Variants in ALX4 observed in about 807,000 individuals in gnomAD.
ALX4 encodes the protein ALX homeobox 4.
In ALX4, 22 loss-of-function variants were observed where a neutral mutation model predicts 40.6. That is an observed-to-expected ratio of 0.54 (90% CI 0.39 to 0.77). The LOEUF (loss-of-function observed/expected upper bound fraction) is 0.77. Ranked by LOEUF, ALX4 falls within the 30% of genes least tolerant of loss-of-function variation. The pLI, the probability that ALX4 is intolerant of heterozygous loss-of-function variation, is 0.00. For synonymous variants in ALX4, 266 were observed against 240.5 expected (o/e 1.11, Z -0.98); for missense variants, 556 against 564.8 (o/e 0.98, Z 0.16).
In ALX4 at chr11:44,272,064, T is replaced by C. The variant is rs1219080171; in HGVS notation, c.777+3284A>G. On this transcript the variant is annotated intron_variant, in intron 2 of 3. Transcript: ENST00000652299. Reference sequence around the variant, plus strand: ...ATCAGGCTAGATGCTAGGATTCCTGTCCAAACTCAGGCATGTAAGGTCATG... The same window carrying C: ...ATCAGGCTAGATGCTAGGATTCCTGCCCAAACTCAGGCATGTAAGGTCATG... Among the ~76,000 whole-genome samples, 3 of 152,200 alleles carry C rather than the reference T, an allele frequency of 2.0e-5. No individual in the cohort carries two copies. The East Asian group carries it at 5.8e-4, about 29-fold the overall frequency.
intron 1 of ALX4, among the ~76,000 whole-genome samples, chr11:44,303,201 A>G (rs566048993): frequency 1.3e-5 from 2 of 152,110 alleles, no homozygotes; most frequent in South Asian, 4.2e-4. Flanking sequence ...CTGTCCCTCT[A>G]CGAGGTGCGT....
At chr11:44,269,576 T>G (rs1469912947) in intron 2 of ALX4, among the ~76,000 whole-genome samples, 1 of 152,200 alleles carries the variant, frequency 6.6e-6, no homozygotes, top group African/African-American at 2.4e-5. Flanking sequence ...ACACATTGAC[T>G]GGGGGAGGAG....
At chr11:44,275,706 A>C in intron 1 of ALX4, 48 bp from the exon 2 acceptor site, 3 of 1,577,064 alleles carry the variant, frequency 1.9e-6, no homozygotes, top group Non-Finnish European at 2.6e-6. Flanking sequence ...GAACCAAACA[A>C]GAGAAGGGGA....
At chr11:44,290,629 CTAACGCTTCACA>C (rs1466981375) in intron 1 of ALX4, among the ~76,000 whole-genome samples, 1 of 152,184 alleles carries the variant, frequency 6.6e-6, no homozygotes, top group African/African-American at 2.4e-5. Flanking sequence ...CTGTGTTTAG[CTAACGCTTCACA>C]TAAGACTAGG....
At chr11:44,277,161 T>C (rs1170853962) in intron 1 of ALX4, among the ~76,000 whole-genome samples, 1 of 152,218 alleles carries the variant, frequency 6.6e-6, no homozygotes, top group South Asian at 2.1e-4. Context: ...ATAAAGAGGC[T>C]AGTGTGCTAG....
intron 1 of ALX4, among the ~76,000 whole-genome samples, chr11:44,284,358 G>A (rs964169698): frequency 1.3e-5 from 2 of 152,184 alleles, no homozygotes; most frequent in African/African-American, 4.8e-5. Flanking sequence ...GGGATTATGG[G>A]AAGCAAGAGA....
At position 44,310,082 on chromosome 11, in the gene ALX4, C is replaced by A; in HGVS notation, c.-20G>T. 1 of 1,563,530 alleles carries A rather than the reference C, an allele frequency of 6.4e-7. No individual in the cohort carries two copies. Among genetic ancestry groups the A allele is most frequent in the Non-Finnish European group, 8.7e-7 (1 of 1,152,486 alleles). ...ATTCATGCCTGGCTTGCGCAGGCGGCGGGCGGGGACGCGAGCGAGGGCGCG... is the reference window on the plus strand; with the variant it reads ...ATTCATGCCTGGCTTGCGCAGGCGGAGGGCGGGGACGCGAGCGAGGGCGCG... On this transcript the variant is annotated 5_prime_UTR_variant, in exon 1 of 4. Coordinates refer to ENST00000652299, the MANE Select transcript of ALX4 (RefSeq NM_021926.4).
chr11:44,283,959 G>A (rs1454211964), intron 1 of ALX4, among the ~76,000 whole-genome samples: 2 of 152,112 alleles, frequency 1.3e-5, no homozygotes, highest in Non-Finnish European at 2.9e-5. Context: ...TGTGTGCTTT[G>A]TTTACCCTGC....
chr11:44,301,355 G>A (rs536465034), intron 1 of ALX4, among the ~76,000 whole-genome samples: 24 of 152,340 alleles, frequency 1.6e-4, no homozygotes, highest in African/African-American at 3.1e-4. Flanking sequence ...CACAGTGGGA[G>A]GAGTTGGTCA....
At position 44,284,678 on chromosome 11, in the gene ALX4, C is replaced by G. The variant is rs539684148; in HGVS notation, c.467-9020G>C. ...AGCTTGAGGTTCAGAGACCTGCTTC[C>G]GCTCTGCAGCGCACTGCACGAGTAT... On this transcript the variant is annotated intron_variant, in intron 1 of 3. Transcript: ENST00000652299. Among the ~76,000 whole-genome samples the G allele has an allele frequency of 2.3e-4, 35 of 152,316 alleles. No individual in the cohort carries two copies. The South Asian group carries it at 7.2e-3, about 32-fold the overall frequency.
At chr11:44,293,904 A>T (rs1956388165) in intron 1 of ALX4, among the ~76,000 whole-genome samples, 1 of 152,084 alleles carries the variant, frequency 6.6e-6, no homozygotes, top group African/African-American at 2.4e-5. Context: ...GGGAGGAGGG[A>T]GTGGTGTCTG....
At chr11:44,267,453 G>A in intron 3 of ALX4, 41 bp downstream of exon 3, 2 of 1,611,246 alleles carry the variant, frequency 1.2e-6, no homozygotes, top group Non-Finnish European at 1.7e-6. Flanking sequence ...CAGAGCACCA[G>A]GGGCTGGGGA....
At chr11:44,307,274 AGAT>A (rs1441947002) in intron 1 of ALX4, among the ~76,000 whole-genome samples, 1 of 152,206 alleles carries the variant, frequency 6.6e-6, no homozygotes, top group Admixed American at 6.5e-5. Flanking sequence ...CCCAGGATGC[AGAT>A]GAGGAAACCG....
intron 2 of ALX4, 91 bp from the exon 3 acceptor site, chr11:44,267,713 C>T: frequency 1.3e-6 from 2 of 1,580,554 alleles, no homozygotes; most frequent in South Asian, 2.2e-5. Flanking sequence ...CCTTGAGCCC[C>T]CCATCAGTTG....
intron 3 of ALX4, among the ~76,000 whole-genome samples, chr11:44,266,204 A>G (rs1956212870): frequency 6.6e-6 from 1 of 152,100 alleles, no homozygotes; most frequent in African/African-American, 2.4e-5. Flanking sequence ...AGGTCTGAGC[A>G]CACACTATGT....
At chr11:44,307,180 A>G (rs1477366270) in intron 1 of ALX4, among the ~76,000 whole-genome samples, 2 of 138,412 alleles carry the variant, frequency 1.4e-5, no homozygotes, top group African/African-American at 2.7e-5. Flanking sequence ...TGGGAGGGGC[A>G]GGGGTAGCGG....
In ALX4 at chr11:44,308,185, G is replaced by C. The variant is rs138993261; in HGVS notation, c.466+1412C>G. Among the ~76,000 whole-genome samples the C allele has an allele frequency of 4.5e-3, 684 of 152,352 alleles. 7 individuals are homozygous for C. Among genetic ancestry groups the C allele is most frequent in the African/African-American group, 0.015 (634 of 41,570 alleles). Reference sequence around the variant, plus strand: ...GGGTATGACCACATCGGCTCCTAAAGAAGATGCTCTCTGCGTGTGTGTGTG... The same window carrying C: ...GGGTATGACCACATCGGCTCCTAAACAAGATGCTCTCTGCGTGTGTGTGTG... On this transcript the variant is annotated intron_variant, in intron 1 of 3. Transcript: ENST00000652299.
At chr11:44,305,850 G>A (rs1205386061) in intron 1 of ALX4, among the ~76,000 whole-genome samples, 1 of 152,372 alleles carries the variant, frequency 6.6e-6, no homozygotes, top group South Asian at 2.1e-4. Flanking sequence ...AATCGAAAGC[G>A]AAAGGGAAGG....
rs960200247 is a variant in ALX4, at chr11:44,293,924, G to T, written c.466+15673C>A. 2.0e-5 allele frequency among the ~76,000 whole-genome samples: 3 copies of T among 152,302 alleles called. No homozygotes were observed. The East Asian group carries it at 5.8e-4, about 29-fold the overall frequency. Reference sequence around the variant, plus strand: ...GAGGGAGTGGTGTCTGGGCGGTCAGGGGACATGGTCATCATTTCAGTAGAT... The same window carrying T: ...GAGGGAGTGGTGTCTGGGCGGTCAGTGGACATGGTCATCATTTCAGTAGAT... On this transcript the variant is annotated intron_variant, in intron 1 of 3. Transcript: ENST00000652299.
Sources: allele counts gnomAD v4.1 joint callset (sites outside exome capture counted in the v4.1 genomes callset), GRCh38; gene constraint gnomAD v4.1.1; transcripts MANE v1.5; gene names NCBI Gene and HGNC (gene_info 2026-07-23, HGNC 2026-07-21).